Variants in CTNNA2 observed in about 807,000 individuals in gnomAD.
The protein encoded by CTNNA2 is catenin alpha-2.
CTNNA2 carries 42 observed loss-of-function variants against 101.0 expected under a neutral mutation model. That is an observed-to-expected ratio of 0.42 (90% confidence interval 0.32 to 0.54). CTNNA2 has a LOEUF of 0.54. Ranked by LOEUF, CTNNA2 falls within the 20% of genes least tolerant of loss-of-function variation. CTNNA2 has a pLI of 0.14. For synonymous variants in CTNNA2, 450 were observed against 456.4 expected, an observed-to-expected ratio of 0.99 and a Z score of 0.18; for missense variants, 871 against 1,223.1, an observed-to-expected ratio of 0.71 and a Z score of 4.29.
intron 7 of CTNNA2, among the ~76,000 whole-genome samples, chr2:80,144,398 G>A (rs1035496754): frequency 6.6e-5 from 10 of 152,136 alleles, no homozygotes; most frequent in Admixed American, 1.3e-4. Flanking sequence ...ATCTGAACCC[G>A]TAATATGAAA....
At chr2:79,334,490 A>T (rs368716269) in intron 3 of CTNNA2, among the ~76,000 whole-genome samples, 2 of 152,336 alleles carry the variant, frequency 1.3e-5, no homozygotes, top group East Asian at 3.9e-4. Context: ...GACTAGGAGC[A>T]TCCTGAGGGC....
chr2:79,502,917 T>C (rs185478620), intron 4 of CTNNA2, among the ~76,000 whole-genome samples: 1 of 152,276 alleles, frequency 6.6e-6, no homozygotes, highest in Non-Finnish European at 1.5e-5. Context: ...GGCTCATGTA[T>C]AAAGTGGCCA....
intron 1 of CTNNA2, among the ~76,000 whole-genome samples, chr2:79,608,491 C>T (rs560590468): frequency 6.6e-6 from 1 of 151,990 alleles, no homozygotes; most frequent in East Asian, 1.9e-4. Flanking sequence ...TCTTCATGAA[C>T]ATAACATGCA....
intron 14 of CTNNA2, among the ~76,000 whole-genome samples, chr2:80,583,633 GAC>G (rs1233331487): frequency 1.3e-5 from 2 of 152,118 alleles, no homozygotes; most frequent in Admixed American, 1.3e-4. Context: ...TAAAGACAAA[GAC>G]AGGTTGTACA....
chr2:80,061,888 G>A (rs1697622648), intron 7 of CTNNA2, among the ~76,000 whole-genome samples: 1 of 152,158 alleles, frequency 6.6e-6, no homozygotes, highest in Admixed American at 6.5e-5. Flanking sequence ...GAGGCTAAAA[G>A]CATAAAGAAT....
intron 7 of CTNNA2, among the ~76,000 whole-genome samples, chr2:80,240,714 A>C (rs1670869000): frequency 1.3e-5 from 2 of 152,296 alleles, no homozygotes; most frequent in South Asian, 4.2e-4. Context: ...GTATAGAGGC[A>C]AGAAGATCTC....
intron 3 of CTNNA2, among the ~76,000 whole-genome samples, chr2:79,345,111 A>T (rs201326887): frequency 0.091 from 12,069 of 132,114 alleles, 776 homozygotes; most frequent in East Asian, 0.32. Flanking sequence ...TTTTTTTTAA[A>T]AAAAAAAGCA....
intron 7 of CTNNA2, among the ~76,000 whole-genome samples, chr2:79,961,061 A>T (rs965931906): frequency 3.9e-5 from 6 of 152,218 alleles, no homozygotes; most frequent in Non-Finnish European, 8.8e-5. Context: ...TTGTGGATGG[A>T]TATAAGATCT....
intron 2 of CTNNA2, among the ~76,000 whole-genome samples, chr2:79,659,572 G>T (rs1681869907): frequency 6.6e-6 from 1 of 152,156 alleles, no homozygotes; most frequent in Non-Finnish European, 1.5e-5. Flanking sequence ...CATGTATAGT[G>T]TGATTAACCC....
At chr2:79,968,527 AGAGGAGATTAAGAGGCT>A (rs1690242639) in intron 7 of CTNNA2, among the ~76,000 whole-genome samples, 1 of 152,146 alleles carries the variant, frequency 6.6e-6, no homozygotes, top group African/African-American at 2.4e-5. Context: ...AGGAAATGGC[AGAGGAGATTAAGAGGCT>A]GAGAGTTATT....
At chr2:79,562,884 T>C (rs901469203) in intron 1 of CTNNA2, among the ~76,000 whole-genome samples, 2 of 151,950 alleles carry the variant, frequency 1.3e-5, no homozygotes, top group Non-Finnish European at 2.9e-5. Flanking sequence ...TGTGTGTGTG[T>C]ATGTCTGTGT....
At chr2:79,894,489 A>G (rs1397821636) in intron 6 of CTNNA2, among the ~76,000 whole-genome samples, 1 of 152,122 alleles carries the variant, frequency 6.6e-6, no homozygotes, top group Non-Finnish European at 1.5e-5. Flanking sequence ...GTCCCTGCAT[A>G]CATCTCCCAT....
At position 79,900,785 on chromosome 2, in the gene CTNNA2, TAACTA is replaced by T. The variant is rs151082430; in HGVS notation, c.853-8806_853-8802del. On this transcript the variant is annotated intron_variant, in intron 6 of 18. Coordinates refer to ENST00000402739, the MANE Select transcript of CTNNA2 (RefSeq NM_001282597.3). ...TAATAATTCATAATACATTTAAAAATAACTAAAAGAGTATAATGGGAATGTTTGTA... is the reference window on the plus strand; with the variant it reads ...TAATAATTCATAATACATTTAAAAATAAAGAGTATAATGGGAATGTTTGTA... 6.9e-3 allele frequency among the ~76,000 whole-genome samples: 1,055 copies of T among 152,222 alleles called. 12 individuals carry two copies. The highest frequency in any genetic ancestry group is 0.024 in the African/African-American group (1,012 of 41,536).
rs143135082 is a variant in CTNNA2 at position 80,105,684 on chromosome 2, C to G, written c.1056+195887C>G. On this transcript the variant is annotated intron_variant, in intron 7 of 18. Transcript: ENST00000402739. The stretch of plus-strand genomic sequence containing the variant: ...GGTGGAGGCTGCAGTGAGCCATGAT[C>G]GATCATGCCACTGCACTCCACCTTG... Among the ~76,000 whole-genome samples, 59 of 151,930 alleles carry G rather than the reference C, an allele frequency of 3.9e-4. 1 individual carries two copies. Among genetic ancestry groups the G allele is most frequent in the African/African-American group, 1.2e-3 (50 of 41,380 alleles).
At chr2:79,341,917 A>G (rs900574869) in intron 3 of CTNNA2, among the ~76,000 whole-genome samples, 1 of 152,158 alleles carries the variant, frequency 6.6e-6, no homozygotes, top group African/African-American at 2.4e-5. Flanking sequence ...TCTTTTATGT[A>G]TGTCCATGAA....
intron 2 of CTNNA2, among the ~76,000 whole-genome samples, chr2:79,243,912 G>C (rs1327860072): frequency 6.6e-6 from 1 of 152,160 alleles, no homozygotes; most frequent in East Asian, 1.9e-4. Flanking sequence ...TGATAGTTCC[G>C]TGTTCCACTT....
chr2:80,026,678 A>G (rs1694952422), intron 7 of CTNNA2, among the ~76,000 whole-genome samples: 1 of 152,182 alleles, frequency 6.6e-6, no homozygotes, highest in African/African-American at 2.4e-5. Context: ...TCACGGAACT[A>G]TAATTACTGG....
chr2:79,706,333 G>A lies in CTNNA2; in HGVS notation c.103-38054G>A, dbSNP rs566091323. Among the ~76,000 whole-genome samples, 157 of 128,740 alleles carry A rather than the reference G, an allele frequency of 1.2e-3. 1 individual carries two copies. The highest frequency in any genetic ancestry group is 1.7e-3 in the Non-Finnish European group (109 of 64,968). The allele number at this position is 128,740 out of a possible 152,430, so 84.5% of individuals were successfully genotyped here. On this transcript the variant is annotated intron_variant, in intron 2 of 18. Transcript: ENST00000402739. ...AGCCGAGATCACGCCACTGCACTCC[G>A]CCCTGGGCGACAGAGCGAGACTCCG...
intron 7 of CTNNA2, among the ~76,000 whole-genome samples, chr2:80,258,120 T>A (rs1672316941): frequency 6.6e-6 from 1 of 152,198 alleles, no homozygotes; most frequent in African/African-American, 2.4e-5. Context: ...GGATGTAAAG[T>A]AAGGTACTGT....
Sources: gnomAD v4.1 joint callset for allele counts (sites outside exome capture counted in the v4.1 genomes callset) on GRCh38, gnomAD v4.1.1 for gene constraint, MANE v1.5 for transcripts, NCBI Gene and HGNC (gene_info 2026-07-23, HGNC 2026-07-21) for gene names.